Variants in MLLT3 observed in about 807,000 individuals in gnomAD.
MLLT3 encodes protein AF-9.
Under a neutral mutation model 53.2 loss-of-function variants are expected in MLLT3, and 4 were observed. The ratio of observed to expected loss-of-function variants is 0.08; its 90% CI spans 0.04 to 0.17. MLLT3 has a LOEUF of 0.17. Among genes scored for constraint, MLLT3 ranks in the 10% least tolerant of loss-of-function variants. MLLT3 has a pLI of 1.00. For missense variants in MLLT3, 569 were observed against 684.0 expected (o/e 0.83, Z 1.87); for synonymous variants, 283 against 230.6 (o/e 1.23, Z -2.06).
At chr9:20,612,694 T>C (rs1353764890) in intron 2 of MLLT3, among the ~76,000 whole-genome samples, 1 of 151,856 alleles carries the variant, frequency 6.6e-6, no homozygotes, top group East Asian at 1.9e-4. Context: ...TCAATATATA[T>C]ATATAAAATG....
intron 2 of MLLT3, among the ~76,000 whole-genome samples, chr9:20,460,843 T>C (rs917883869): frequency 3.9e-5 from 6 of 152,214 alleles, no homozygotes; most frequent in African/African-American, 1.4e-4. Context: ...TTTAAAGCTT[T>C]TAAAAAATTG....
chr9:20,615,649 T>A (rs573013045), intron 2 of MLLT3, among the ~76,000 whole-genome samples: 1 of 151,450 alleles, frequency 6.6e-6, no homozygotes, highest in East Asian at 1.9e-4. Context: ...GTTCTCGGAG[T>A]GTAGAGTTAG....
At chr9:20,454,563 T>A (rs2118857226) in intron 3 of MLLT3, among the ~76,000 whole-genome samples, 1 of 152,344 alleles carries the variant, frequency 6.6e-6, no homozygotes, top group South Asian at 2.1e-4. Flanking sequence ...ATAACCATTA[T>A]GGTCTTCTCA....
At chr9:20,474,488 T>A (rs1446033776) in intron 2 of MLLT3, among the ~76,000 whole-genome samples, 1 of 152,056 alleles carries the variant, frequency 6.6e-6, no homozygotes, top group African/African-American at 2.4e-5. Context: ...TGTCATTCTG[T>A]TCCTATACAC....
At chr9:20,499,015 A>G (rs1425678253) in intron 2 of MLLT3, among the ~76,000 whole-genome samples, 1 of 152,202 alleles carries the variant, frequency 6.6e-6, no homozygotes, top group African/African-American at 2.4e-5. Flanking sequence ...ATTCCCTCTG[A>G]AAGCTCTAGA....
At chr9:20,464,972 T>C (rs1051239350) in intron 2 of MLLT3, among the ~76,000 whole-genome samples, 5 of 152,146 alleles carry the variant, frequency 3.3e-5, no homozygotes, top group Non-Finnish European at 5.9e-5. Context: ...CAAGAGCTTA[T>C]AATGACTCTA....
intron 5 of MLLT3, among the ~76,000 whole-genome samples, chr9:20,366,960 C>A (rs1821469673): frequency 6.6e-6 from 1 of 152,222 alleles, no homozygotes; most frequent in Admixed American, 6.5e-5. Flanking sequence ...TTCAATCACA[C>A]TATGAGCCAG....
At chr9:20,525,799 C>G (rs1276379302) in intron 2 of MLLT3, among the ~76,000 whole-genome samples, 2 of 152,204 alleles carry the variant, frequency 1.3e-5, no homozygotes, top group Non-Finnish European at 1.5e-5. Flanking sequence ...TTTCATCAAA[C>G]TATTACTTAT....
intron 2 of MLLT3, chr9:20,533,044 T>C (rs1338536395): frequency 1.1e-5 from 3 of 263,274 alleles, no homozygotes; most frequent in Non-Finnish European, 2.2e-5. Flanking sequence ...ATGGATCCCA[T>C]TGAGCTGGCT....
chr9:20,401,078 A>G (rs969757040), intron 5 of MLLT3, among the ~76,000 whole-genome samples: 2 of 152,142 alleles, frequency 1.3e-5, no homozygotes, highest in African/African-American at 4.8e-5. Context: ...AGAGTCACAG[A>G]CATTTTTGGA....
chr9:20,546,063 T>G lies in MLLT3; in HGVS notation c.193+74591A>C, dbSNP rs1191530790. The stretch of plus-strand genomic sequence containing the variant: ...AAAGAAATTATGAAAGGGACAAGAT[T>G]GAGATTATTTTCATATTCAACATAT... On this transcript the variant is annotated intron_variant, in intron 2 of 10. Transcript: ENST00000380338. 3.3e-5 allele frequency among the ~76,000 whole-genome samples: 5 copies of G among 152,132 alleles called. No individual in the cohort carries two copies. The East Asian group carries it at 7.7e-4, about 23-fold the overall frequency.
In MLLT3 at chr9:20,360,728, A is replaced by C. The variant is rs763763871; in HGVS notation, c.1431+14T>G. On this transcript the variant is annotated intron_variant, in intron 8 of 10. Transcript: ENST00000380338. The stretch of plus-strand genomic sequence containing the variant: ...CTCTGCAGAGTCTTGCAAAGTGCAA[A>C]CCCCACAATTTACCTGGTTGTTGTT... 6.2e-7 allele frequency: 1 copy of C among 1,607,132 alleles called. No homozygotes were observed. Among genetic ancestry groups the C allele is most frequent in the Non-Finnish European group, 8.5e-7 (1 of 1,173,678 alleles).
chr9:20,392,886 G>C (rs1456657047), intron 5 of MLLT3, among the ~76,000 whole-genome samples: 2 of 152,036 alleles, frequency 1.3e-5, no homozygotes, highest in Non-Finnish European at 2.9e-5. Context: ...ATCATTAAAA[G>C]ACTGATGACC....
intron 5 of MLLT3, chr9:20,411,039 T>G (rs775987220): frequency 1.3e-5 from 2 of 152,158 alleles, no homozygotes; most frequent in Non-Finnish European, 2.9e-5. Context: ...CTTAGAGAGA[T>G]CAGGTCATCT....
intron 5 of MLLT3, among the ~76,000 whole-genome samples, chr9:20,403,436 C>T (rs1189866813): frequency 6.6e-6 from 1 of 152,164 alleles, no homozygotes; most frequent in Admixed American, 6.5e-5. Context: ...CAACCTCCCT[C>T]CTTCAAATCT....
intron 2 of MLLT3, among the ~76,000 whole-genome samples, chr9:20,600,443 A>T (rs1180557409): frequency 2.0e-5 from 3 of 152,098 alleles, no homozygotes; most frequent in Non-Finnish European, 4.4e-5. Flanking sequence ...TCCTTAACCA[A>T]CCCCAACTGG....
At chr9:20,530,466 A>G (rs1173968283) in intron 2 of MLLT3, among the ~76,000 whole-genome samples, 1 of 152,250 alleles carries the variant, frequency 6.6e-6, no homozygotes, top group East Asian at 1.9e-4. Flanking sequence ...CAGAGCTTAA[A>G]TCTGCCAAGA....
At chr9:20,469,850 C>G (rs1028985555) in intron 2 of MLLT3, among the ~76,000 whole-genome samples, 2 of 151,948 alleles carry the variant, frequency 1.3e-5, no homozygotes, top group Admixed American at 6.6e-5. Context: ...TCACAGGGAA[C>G]CATTCCTATT....
At chr9:20,446,350 TC>T (rs1823700211) in intron 4 of MLLT3, among the ~76,000 whole-genome samples, 1 of 152,166 alleles carries the variant, frequency 6.6e-6, no homozygotes. Context: ...GAAGAATCAT[TC>T]TGAGATAAAG....
Sources: allele counts gnomAD v4.1 joint callset (sites outside exome capture counted in the v4.1 genomes callset), GRCh38; gene constraint gnomAD v4.1.1; transcripts MANE v1.5; gene names NCBI Gene and HGNC (gene_info 2026-07-23, HGNC 2026-07-21).